The following MAP4 variants were observed in gnomAD, a reference collection of about 807,000 sequenced individuals.
MAP4 encodes the protein microtubule associated protein 4.
A neutral mutation model predicts 170.2 loss-of-function variants in MAP4; 76 were observed. The observed-to-expected ratio is 0.45, with a 90% CI of 0.37 to 0.54. MAP4 has a LOEUF of 0.54. Ranked by LOEUF, MAP4 falls within the 20% of genes least tolerant of loss-of-function variation. The probability of loss-of-function intolerance (pLI) is 0.00; values close to 1 mark genes in which losing one functional copy is unlikely to be tolerated. For missense variants in MAP4, 2,506 were observed against 2,748.0 expected, an observed-to-expected ratio of 0.91 and a Z score of 1.97; for synonymous variants, 909 against 994.5, an observed-to-expected ratio of 0.91 and a Z score of 1.62.
In MAP4 at chr3:47,910,423, G is replaced by GC. The variant is rs1427019016; in HGVS notation, c.3997dup (p.Ala1333GlyfsTer10). The GC allele has an allele frequency of 6.5e-7, 1 of 1,536,204 alleles. No individual in the cohort carries two copies. The highest frequency in any genetic ancestry group is 8.7e-7 in the Non-Finnish European group (1 of 1,146,876). On this transcript the variant is annotated frameshift_variant, in exon 9 of 21. Transcript: ENST00000683076. LOFTEE classifies it high-confidence loss of function. ...AGATACTACTGAAGGAACAAATCCT[G>GC]CCCCCTGGATTTGCTCTTGGCAGCT...
Position 47,997,326 on chromosome 3 carries a change from T to TAAAAAAAAAAAAAAAAAAAA in MAP4, c.223+1311_223+1312insTTTTTTTTTTTTTTTTTTTT. ...TCTAAACACAACATATTTAAACTGC[T>TAAAAAAAAAAAAAAAAAAAA]AAAAAAAAAAAAAAAAAAAGATAAA... On this transcript the variant is annotated intron_variant, in intron 2 of 20. Transcript: ENST00000683076. 3.1e-3 allele frequency among the ~76,000 whole-genome samples: 140 copies of TAAAAAAAAAAAAAAAAAAAA among 44,898 alleles called. 1 individual carries two copies. The highest frequency in any genetic ancestry group is 4.4e-3 in the Non-Finnish European group (104 of 23,420). The allele number at this position is 44,898 out of a possible 152,430, so 29.5% of individuals were successfully genotyped here. A position where few individuals can be genotyped will look rare whatever the true frequency, so the allele number is the denominator to read the frequency against.
intron 1 of MAP4, among the ~76,000 whole-genome samples, chr3:48,068,866 C>T (rs145079119): frequency 1.5e-3 from 232 of 152,298 alleles, no homozygotes; most frequent in African/African-American, 4.5e-3. Context: ...TACCTATGCA[C>T]AATATGTATA....
intron 10 of MAP4, among the ~76,000 whole-genome samples, chr3:47,893,342 G>A (rs1297480211): frequency 6.6e-6 from 1 of 152,102 alleles, no homozygotes; most frequent in Admixed American, 6.6e-5. Context: ...GGATGAGCTG[G>A]GTTGCTCCCT....
intron 1 of MAP4, among the ~76,000 whole-genome samples, chr3:48,029,098 T>C (rs966971170): frequency 2.0e-5 from 3 of 151,230 alleles, no homozygotes; most frequent in African/African-American, 7.3e-5. Context: ...TGAGTCGAAA[T>C]TGTGCCACTG....
At chr3:47,860,512 C>T (rs953410022) in intron 17 of MAP4, among the ~76,000 whole-genome samples, 4 of 152,202 alleles carry the variant, frequency 2.6e-5, no homozygotes, top group African/African-American at 4.8e-5. Context: ...GATTTCTAGA[C>T]AGTGTTCCAT....
intron 1 of MAP4, among the ~76,000 whole-genome samples, chr3:48,070,865 C>T (rs1207042974): frequency 6.9e-6 from 1 of 143,932 alleles, no homozygotes; most frequent in African/African-American, 2.5e-5. Flanking sequence ...AAAGCAAAAA[C>T]TTAGCCAGGT....
At chr3:47,969,804 GGGCC>G (rs1322732717) in intron 3 of MAP4, among the ~76,000 whole-genome samples, 6 of 151,936 alleles carry the variant, frequency 3.9e-5, no homozygotes, top group Non-Finnish European at 8.8e-5. Context: ...AGCTTGCAGT[GGGCC>G]GAGATCGCAC....
In MAP4 at chr3:47,916,970, A is replaced by G; in HGVS notation, c.857T>C (p.Val286Ala). ...KDMESPTKLD[V>A]TLAKDMQPSM... ...TGGCTGCATGTCCTTGGCCAGTGTCACATCTAATTTGGTGGGTGATTCCAT... is the reference window on the plus strand; with the variant it reads ...TGGCTGCATGTCCTTGGCCAGTGTCGCATCTAATTTGGTGGGTGATTCCAT... Residue 286 changes from valine to alanine, a missense_variant, in exon 7 of 21, where the codon GTG becomes GCG. Transcript: ENST00000683076. The G allele has an allele frequency of 6.2e-7, 1 of 1,614,172 alleles. No homozygotes were observed. Among genetic ancestry groups the G allele is most frequent in the Non-Finnish European group, 8.5e-7 (1 of 1,180,038 alleles).
intron 3 of MAP4, among the ~76,000 whole-genome samples, chr3:47,967,249 T>C (rs2100075658): frequency 3.9e-5 from 6 of 152,114 alleles, no homozygotes; most frequent in Admixed American, 3.9e-4. Flanking sequence ...GGCAGGAGAA[T>C]TGCTTGAACC....
intron 1 of MAP4, among the ~76,000 whole-genome samples, chr3:48,087,714 CAT>C (rs1249967333): frequency 2.7e-5 from 4 of 148,470 alleles, no homozygotes; most frequent in Admixed American, 2.1e-4. Flanking sequence ...CGCACACACA[CAT>C]ACACACGCAC....
At chr3:47,930,272 C>T (rs1449282957) in intron 3 of MAP4, among the ~76,000 whole-genome samples, 16 of 149,648 alleles carry the variant, frequency 1.1e-4, no homozygotes, top group South Asian at 4.3e-4. Flanking sequence ...GGTGAAACCC[C>T]GTCTCTACTA....
intron 3 of MAP4, chr3:47,973,454 C>G (rs1377351297): frequency 2.0e-6 from 2 of 984,962 alleles, no homozygotes; most frequent in Admixed American, 6.1e-5. Context: ...CATAAAATTT[C>G]TTTCTTTCAA....
Position 47,852,826 on chromosome 3 carries a change from C to T in MAP4, c.*108G>A, listed in dbSNP as rs757544685. On this transcript the variant is annotated 3_prime_UTR_variant, in exon 21 of 21. Transcript: ENST00000683076. ...AGCCCGGGAAAGGGGGCCAAGGACC[C>T]GGGAGCCCGAGTTGGGGCCGCCAGG... 7.5e-5 allele frequency: 117 copies of T among 1,551,566 alleles called. No homozygotes were observed. The highest frequency in any genetic ancestry group is 5.2e-4 in the South Asian group (44 of 84,522).
At chr3:48,002,257 A>AT (rs2100099607) in intron 1 of MAP4, among the ~76,000 whole-genome samples, 1 of 148,182 alleles carries the variant, frequency 6.7e-6, no homozygotes, top group African/African-American at 2.6e-5. Context: ...GAAAAAAAAA[A>AT]GAAAAAAAAA....
At chr3:47,926,831 T>C (rs2100046269) in intron 4 of MAP4, among the ~76,000 whole-genome samples, 1 of 152,182 alleles carries the variant, frequency 6.6e-6, no homozygotes, top group Non-Finnish European at 1.5e-5. Context: ...TCACTGAATC[T>C]GGCCGAACTA....
chr3:48,042,939 G>C (rs2100122426), intron 1 of MAP4, among the ~76,000 whole-genome samples: 1 of 152,130 alleles, frequency 6.6e-6, no homozygotes, highest in Admixed American at 6.6e-5. Flanking sequence ...AATTTATACA[G>C]AAAGTAGATT....
intron 3 of MAP4, 117 bp from the exon 4 acceptor site, chr3:47,928,467 T>C (rs1286310644): frequency 1.9e-6 from 2 of 1,050,182 alleles, no homozygotes; most frequent in Non-Finnish European, 2.8e-6. Flanking sequence ...ATCTAGCTAG[T>C]GTCTTACAAG....
intron 1 of MAP4, among the ~76,000 whole-genome samples, chr3:48,029,073 G>A (rs1207864873): frequency 2.0e-5 from 3 of 151,316 alleles, no homozygotes; most frequent in African/African-American, 7.3e-5. Flanking sequence ...TGGAGTCTGG[G>A]AAGTTGAGGA....
chr3:47,969,809 G>A (rs554433576), intron 3 of MAP4, among the ~76,000 whole-genome samples: 20 of 150,960 alleles, frequency 1.3e-4, no homozygotes, highest in Non-Finnish European at 2.7e-4. Flanking sequence ...GCAGTGGGCC[G>A]AGATCGCACC....
Sources: gnomAD v4.1 joint callset for allele counts (sites outside exome capture counted in the v4.1 genomes callset) on GRCh38, gnomAD v4.1.1 for gene constraint, MANE v1.5 for transcripts, NCBI Gene and HGNC (gene_info 2026-07-23, HGNC 2026-07-21) for gene names.